The following PDE9A variants were observed in gnomAD, a reference collection of about 807,000 sequenced individuals.
The protein encoded by PDE9A is high affinity cGMP-specific 3',5'-cyclic phosphodiesterase 9A.
In PDE9A, 60 loss-of-function variants were observed where a neutral mutation model predicts 87.4. The ratio of observed to expected loss-of-function variants is 0.69; its 90% CI spans 0.56 to 0.85. PDE9A has a LOEUF of 0.85. Among genes scored for constraint, PDE9A ranks in the 40% least tolerant of loss-of-function variants. The pLI, the probability that PDE9A is intolerant of heterozygous loss-of-function variation, is 0.00. For missense variants in PDE9A, 665 were observed against 779.0 expected (o/e 0.85, Z 1.74); for synonymous variants, 272 against 279.4 (o/e 0.97, Z 0.27).
chr21:42,722,466 A>ATGGATC lies in PDE9A; in HGVS notation c.263-9303_263-9298dup, dbSNP rs1232164982. ...AATGGCTACGATCAAGGGCAATAGAATGGATCGTGCATGAGCTCCCAGGCC... is the reference window on the plus strand; with the variant it reads ...AATGGCTACGATCAAGGGCAATAGAATGGATCTGGATCGTGCATGAGCTCCCAGGCC... On this transcript the variant is annotated intron_variant, in intron 4 of 19. Coordinates refer to ENST00000291539, the MANE Select transcript of PDE9A (RefSeq NM_002606.3). This position sits in a 1 kb window ranked among gnomAD's most constrained non-coding sequence, Gnocchi z 4.1. 6.6e-6 allele frequency among the ~76,000 whole-genome samples: 1 copy of ATGGATC among 152,184 alleles called. No individual in the cohort carries two copies. Among genetic ancestry groups the ATGGATC allele is most frequent in the Non-Finnish European group, 1.5e-5 (1 of 68,036 alleles).
At chr21:42,693,083 G>A (rs924158101) in intron 3 of PDE9A, among the ~76,000 whole-genome samples, 30 of 152,246 alleles carry the variant, frequency 2.0e-4, no homozygotes, top group African/African-American at 6.5e-4. Context: ...CACCTGACAC[G>A]GTGACCCACG....
chr21:42,670,712 TACACTC>T (rs998878297), intron 1 of PDE9A, among the ~76,000 whole-genome samples: 4 of 149,330 alleles, frequency 2.7e-5, no homozygotes, highest in Non-Finnish European at 4.5e-5. Flanking sequence ...CACATACACT[TACACTC>T]ACAGTCACAT....
Position 42,762,255 on chromosome 21 carries a change from GCCCT to G in PDE9A, c.1242+20_1242+23del. On this transcript the variant is annotated intron_variant, in intron 14 of 19. Coordinates refer to ENST00000291539, the MANE Select transcript of PDE9A (RefSeq NM_002606.3). The stretch of plus-strand genomic sequence containing the variant: ...GATCCGACAGGTGTGTGGGGTGAGG[GCCCT>G]CCCACCGGAGTGGGGGCACATTCAG... 1 of 1,611,924 alleles carries G rather than the reference GCCCT, an allele frequency of 6.2e-7. No homozygotes were observed.
Position 42,688,858 on chromosome 21 carries a change from A to G in PDE9A, c.218+864A>G, listed in dbSNP as rs1200690032. Among the ~76,000 whole-genome samples the G allele has an allele frequency of 2.6e-5, 4 of 152,352 alleles. No individual in the cohort carries two copies. In the East Asian group the frequency reaches 7.7e-4, roughly 29 times the overall value. On this transcript the variant is annotated intron_variant, in intron 3 of 19. Coordinates refer to ENST00000291539, the MANE Select transcript of PDE9A (RefSeq NM_002606.3). ...GCTCTGAGCCCACAGGAGAAAGTGC[A>G]TGTCAGGCAGACCCTTGTGTCAGTG...
intron 1 of PDE9A, among the ~76,000 whole-genome samples, chr21:42,680,789 T>C (rs778898221): frequency 1.4e-4 from 22 of 152,282 alleles, no homozygotes; most frequent in Non-Finnish European, 2.4e-4. Context: ...ATTCCCGCCT[T>C]TCTGAAGGTC....
At chr21:42,682,026 G>A (rs989490775) in intron 1 of PDE9A, among the ~76,000 whole-genome samples, 53 of 152,320 alleles carry the variant, frequency 3.5e-4, no homozygotes, top group African/African-American at 1.0e-3. Flanking sequence ...AGCGAAGAGC[G>A]CGGCTGTCCA....
chr21:42,760,690 A>G lies in PDE9A; in HGVS notation c.1003-135A>G. 1.7e-6 allele frequency: 1 copy of G among 585,154 alleles called. No homozygotes were observed. Among genetic ancestry groups the G allele is most frequent in the Non-Finnish European group, 3.1e-6 (1 of 320,526 alleles). 36.2% of individuals were successfully genotyped at this position (585,154 alleles called of 1,614,324 possible). A position where few individuals can be genotyped will look rare whatever the true frequency, so the allele number is the denominator to read the frequency against. On this transcript the variant is annotated intron_variant, in intron 12 of 19. Transcript: ENST00000291539. This position sits in a 1 kb window ranked among gnomAD's most constrained non-coding sequence, Gnocchi z 5.2. The stretch of plus-strand genomic sequence containing the variant: ...CCCACAGGCAGGCCGATCCTCTCCC[A>G]CCATGCCAGGAGATGCCAGATGGCT...
chr21:42,700,730 A>T (rs1418846621), intron 4 of PDE9A: 1 of 152,170 alleles, frequency 6.6e-6, no homozygotes, highest in African/African-American at 2.4e-5. Flanking sequence ...TGAAAAGATG[A>T]TCTTTTCTCC....
chr21:42,732,037 G>A (rs372874068), intron 5 of PDE9A, 33 bp from the exon 6 acceptor site: 26 of 1,613,130 alleles, frequency 1.6e-5, no homozygotes, highest in Admixed American at 3.3e-5. Context: ...CCTCTTGTCC[G>A]TGTTCCATCT....
In PDE9A at chr21:42,760,203, A is replaced by G. The variant is rs1344410630; in HGVS notation, c.898-125A>G. ...CTGTGGTAAACCTGGAACACTGTTG[A>G]CCTCTGGTTGGGATGAGGGTTTGGC... On this transcript the variant is annotated intron_variant, in intron 11 of 19. Coordinates refer to ENST00000291539, the MANE Select transcript of PDE9A (RefSeq NM_002606.3). This position sits in a 1 kb window ranked among gnomAD's most constrained non-coding sequence, Gnocchi z 5.2. 22 of 656,110 alleles carry G rather than the reference A, an allele frequency of 3.4e-5. No individual in the cohort carries two copies. The highest frequency in any genetic ancestry group is 3.6e-5 in the Non-Finnish European group (13 of 358,966). 40.6% of individuals were successfully genotyped at this position (656,110 alleles called of 1,614,324 possible). A position where few individuals can be genotyped will look rare whatever the true frequency, so the allele number is the denominator to read the frequency against.
chr21:42,658,847 G>A (rs142577188), intron 1 of PDE9A, among the ~76,000 whole-genome samples: 2 of 152,334 alleles, frequency 1.3e-5, no homozygotes, highest in East Asian at 3.9e-4. Flanking sequence ...GCTGAAGGAA[G>A]GGGGTCAGTC....
At chr21:42,657,985 G>A (rs1021414809) in intron 1 of PDE9A, among the ~76,000 whole-genome samples, 67 of 152,364 alleles carry the variant, frequency 4.4e-4, no homozygotes, top group African/African-American at 1.6e-3. Flanking sequence ...GAGGAGCCGC[G>A]CTAGAAAGTG....
chr21:42,764,362 T>G (rs915343709), intron 14 of PDE9A, among the ~76,000 whole-genome samples: 2 of 152,204 alleles, frequency 1.3e-5, no homozygotes, highest in East Asian at 3.8e-4. Context: ...GCAGGTGCCC[T>G]GTGTGGCTAC....
At chr21:42,666,450 T>C (rs2145893315) in intron 1 of PDE9A, among the ~76,000 whole-genome samples, 1 of 152,244 alleles carries the variant, frequency 6.6e-6, no homozygotes, top group South Asian at 2.1e-4. Context: ...GTCCTGAAGG[T>C]GCCGAGGCCC....
rs1003204993 is a variant in PDE9A at position 42,689,445 on chromosome 21, TG to T, written c.218+1457del. On this transcript the variant is annotated intron_variant, in intron 3 of 19. Coordinates refer to ENST00000291539, the MANE Select transcript of PDE9A (RefSeq NM_002606.3). ...GTCAGCCTCAGCACCAGCTCCAGCCTGGGGGGTCTCGCTCAGAAGCAAAGTC... is the reference window on the plus strand; with the variant it reads ...GTCAGCCTCAGCACCAGCTCCAGCCTGGGGGTCTCGCTCAGAAGCAAAGTC... 6.6e-5 allele frequency: 47 copies of T among 712,094 alleles called. No homozygotes were observed. In the African/African-American group the frequency reaches 7.0e-4, roughly 11 times the overall value. The allele number at this position is 712,094 out of a possible 1,614,324, so 44.1% of individuals were successfully genotyped here.
chr21:42,685,465 G>GTTTTTTTTTTT (rs1555908731), intron 1 of PDE9A, among the ~76,000 whole-genome samples: 24 of 87,798 alleles, frequency 2.7e-4, no homozygotes, highest in African/African-American at 9.1e-4. Flanking sequence ...CCGAAAGGCA[G>GTTTTTTTTTTT]TCTTTTTTTT....
intron 4 of PDE9A, among the ~76,000 whole-genome samples, chr21:42,703,150 T>C (rs2048513131): frequency 6.6e-6 from 1 of 152,208 alleles, no homozygotes; most frequent in Admixed American, 6.5e-5. Context: ...ATCCGGGGCT[T>C]CTTTGACCTG....
intron 4 of PDE9A, among the ~76,000 whole-genome samples, chr21:42,721,832 C>T (rs1204644527): frequency 6.6e-6 from 1 of 151,356 alleles, no homozygotes; most frequent in Admixed American, 6.6e-5. Context: ...ATAAAGGCAC[C>T]CTGCTCCCAC....
intron 17 of PDE9A, among the ~76,000 whole-genome samples, chr21:42,769,371 G>C (rs2056716437): frequency 7.4e-6 from 1 of 134,650 alleles, no homozygotes; most frequent in Admixed American, 7.4e-5. Flanking sequence ...ACACACTTGT[G>C]CACACAGGTA....
Sources: allele counts gnomAD v4.1 joint callset (sites outside exome capture counted in the v4.1 genomes callset), GRCh38; gene constraint gnomAD v4.1.1; non-coding constraint Gnocchi (gnomAD v3.1); transcripts MANE v1.5; gene names NCBI Gene and HGNC (gene_info 2026-07-23, HGNC 2026-07-21).